SLC22A25: variants seen among roughly 807,000 people sequenced by gnomAD.
The protein encoded by SLC22A25 is solute carrier family 22 member 25.
In SLC22A25, 44 loss-of-function variants were observed where a neutral mutation model predicts 45.9. The observed-to-expected ratio is 0.96, with a 90% CI of 0.75 to 1.23. SLC22A25 has a LOEUF of 1.23. Among genes scored for constraint, SLC22A25 ranks in the 50% most tolerant of loss-of-function variants. SLC22A25 has a pLI of 0.00. For synonymous variants in SLC22A25, 283 were observed against 238.6 expected (o/e 1.19, Z -1.72); for missense variants, 800 against 666.4 (o/e 1.20, Z -2.21).
chr11:63,240,890 A>G (rs1205835625), intron 1 of SLC22A25, among the ~76,000 whole-genome samples: 1 of 152,158 alleles, frequency 6.6e-6, no homozygotes, highest in African/African-American at 2.4e-5. Flanking sequence ...TTAGCACTTT[A>G]TCCTTTGACT....
intron 8 of SLC22A25, 80 bp downstream of exon 8, chr11:63,183,614 T>C: frequency 3.2e-6 from 5 of 1,580,038 alleles, no homozygotes; most frequent in South Asian, 2.3e-5. Context: ...CTCTCCTTTA[T>C]TCACCTTATG....
intron 5 of SLC22A25, among the ~76,000 whole-genome samples, chr11:63,224,642 A>G (rs1202126519): frequency 6.6e-6 from 1 of 152,200 alleles, no homozygotes; most frequent in Non-Finnish European, 1.5e-5. Context: ...TACAATTAAT[A>G]TCTTATAACT....
At chr11:63,189,111 T>A (rs1413311756) in intron 7 of SLC22A25, among the ~76,000 whole-genome samples, 1 of 152,206 alleles carries the variant, frequency 6.6e-6, no homozygotes, top group East Asian at 1.9e-4. Context: ...GTTAACTTTC[T>A]GTCTCATTGA....
intron 7 of SLC22A25, among the ~76,000 whole-genome samples, chr11:63,192,692 C>G (rs1158540594): frequency 2.0e-5 from 3 of 152,132 alleles, no homozygotes; most frequent in Non-Finnish European, 4.4e-5. Context: ...TGCAATCCTA[C>G]TTTCTGACAG....
intron 5 of SLC22A25, among the ~76,000 whole-genome samples, chr11:63,218,790 C>G (rs894605351): frequency 6.6e-6 from 1 of 152,024 alleles, no homozygotes; most frequent in Non-Finnish European, 1.5e-5. Context: ...GAAAGAGGAC[C>G]TCTCTGTAGA....
At chr11:63,209,839 A>G (rs1348803180) in intron 7 of SLC22A25, among the ~76,000 whole-genome samples, 1 of 152,196 alleles carries the variant, frequency 6.6e-6, no homozygotes, top group Non-Finnish European at 1.5e-5. Context: ...AATACAGAGG[A>G]GCATAGGAGA....
intron 7 of SLC22A25, among the ~76,000 whole-genome samples, chr11:63,191,536 G>A (rs532314653): frequency 7.2e-5 from 11 of 152,208 alleles, no homozygotes; most frequent in Admixed American, 7.2e-4. Context: ...CATGCTCAGT[G>A]CACTGCACCC....
intron 9 of SLC22A25, among the ~76,000 whole-genome samples, chr11:63,178,404 A>G (rs1336874182): frequency 2.6e-5 from 4 of 151,918 alleles, no homozygotes; most frequent in Admixed American, 2.6e-4. Flanking sequence ...ATTGTTTTGC[A>G]TAGTGGCTGT....
rs2088845745 is a variant in SLC22A25 at position 63,192,332 on chromosome 11, A to G, written c.831-8515T>C. ...CAGACCTGTCTTACAAGAGCTCCTG[A>G]AAGAAGCACTAAATATGGAAAAGAA... On this transcript the variant is annotated intron_variant, in intron 7 of 11. Transcript: ENST00000306494. Among the ~76,000 whole-genome samples, 3 of 152,228 alleles carry G rather than the reference A, an allele frequency of 2.0e-5. No individual in the cohort carries two copies. The South Asian group carries it at 6.2e-4, about 32-fold the overall frequency.
At chr11:63,178,209 T>C (rs1019052545) in intron 9 of SLC22A25, among the ~76,000 whole-genome samples, 1 of 152,004 alleles carries the variant, frequency 6.6e-6, no homozygotes, top group Non-Finnish European at 1.5e-5. Flanking sequence ...CCATTTTCTT[T>C]ATACAGCCAT....
At chr11:63,230,224 T>C (rs532397953) in intron 3 of SLC22A25, among the ~76,000 whole-genome samples, 128 bp from the exon 4 acceptor site, 13 of 152,218 alleles carry the variant, frequency 8.5e-5, no homozygotes, top group Non-Finnish European at 1.8e-4. Context: ...TGTTGACTGA[T>C]GTTCTGCTTC....
Position 63,189,683 on chromosome 11 carries a change from C to T in SLC22A25, c.831-5866G>A, listed in dbSNP as rs540381830. Among the ~76,000 whole-genome samples, 271 of 152,196 alleles carry T rather than the reference C, an allele frequency of 1.8e-3. 1 individual carries two copies. The highest frequency in any genetic ancestry group is 6.1e-3 in the African/African-American group (254 of 41,526). ...GGCATGTTTCTGCAGTGGCTGGTAC[C>T]GGTTGTTCCTTTCCATGTTTAGTGC... On this transcript the variant is annotated intron_variant, in intron 7 of 11. Transcript: ENST00000306494.
chr11:63,167,487 T>C (rs2087726249), intron 9 of SLC22A25: 1 of 152,302 alleles, frequency 6.6e-6, no homozygotes, highest in African/African-American at 2.4e-5. Context: ...GGGAGAGGAA[T>C]GTCCACCATT....
At chr11:63,240,025 C>A (rs1340443755) in intron 1 of SLC22A25, among the ~76,000 whole-genome samples, 1 of 152,038 alleles carries the variant, frequency 6.6e-6, no homozygotes, top group Non-Finnish European at 1.5e-5. Context: ...CTTACGCAAA[C>A]CTATATGGTG....
At chr11:63,177,081 T>C (rs2088115501) in intron 9 of SLC22A25, among the ~76,000 whole-genome samples, 1 of 152,102 alleles carries the variant, frequency 6.6e-6, no homozygotes. Flanking sequence ...TGTTGGCCTG[T>C]AAACTTTCTG....
rs1448848265 is a variant in SLC22A25, at chr11:63,159,478, C to G, written c.*4346G>C. ...GTTTCCCTGCAGAAATTCTCTTTTC[C>G]CTGCTGCCATGTAAGTTGTGCCTTT... On this transcript the variant is annotated 3_prime_UTR_variant, in exon 12 of 12. Coordinates refer to ENST00000306494, the MANE Select transcript of SLC22A25 (RefSeq NM_199352.6). 2.0e-5 allele frequency among the ~76,000 whole-genome samples: 3 copies of G among 152,078 alleles called. No homozygotes were observed. The highest frequency in any genetic ancestry group is 7.2e-5 in the African/African-American group (3 of 41,390).
At chr11:63,173,899 C>CTTTT (rs561742765) in intron 9 of SLC22A25, among the ~76,000 whole-genome samples, 1 of 140,726 alleles carries the variant, frequency 7.1e-6, no homozygotes, top group African/African-American at 2.6e-5. Flanking sequence ...ATTTTCTTTT[C>CTTTT]TTTTTTTTTT....
intron 7 of SLC22A25, among the ~76,000 whole-genome samples, chr11:63,195,351 G>A (rs995271409): frequency 2.6e-5 from 4 of 152,040 alleles, no homozygotes; most frequent in Admixed American, 6.5e-5. Flanking sequence ...CACAAAGTTG[G>A]AAGTAAAGCT....
At chr11:63,168,002 C>T (rs7103820) in intron 9 of SLC22A25, 3,760 of 365,726 alleles carry the variant, frequency 0.01, 128 homozygotes, top group African/African-American at 0.074. Context: ...CTGCAACCTC[C>T]GCTGGTGATA....
Sources: gnomAD v4.1 joint callset for allele counts (sites outside exome capture counted in the v4.1 genomes callset) on GRCh38, gnomAD v4.1.1 for gene constraint, MANE v1.5 for transcripts, NCBI Gene and HGNC (gene_info 2026-07-23, HGNC 2026-07-21) for gene names.